Variants in NAA16 observed in about 807,000 individuals in gnomAD.
NAA16 encodes NARG1-like protein.
Under a neutral mutation model 110.3 loss-of-function variants are expected in NAA16, and 97 were observed. The observed-to-expected ratio is 0.88, with a 90% confidence interval of 0.75 to 1.04. The LOEUF (loss-of-function observed/expected upper bound fraction) is 1.04. NAA16 is among the 50% of genes least tolerant of loss of function. The pLI, the probability that NAA16 is intolerant of heterozygous loss-of-function variation, is 0.00. For synonymous variants in NAA16, 372 were observed against 330.6 expected, an observed-to-expected ratio of 1.13 and a Z score of -1.36; for missense variants, 1,017 against 1,005.1, an observed-to-expected ratio of 1.01 and a Z score of -0.16.
rs1351325294 is a variant in NAA16, at chr13:41,375,703, G to A, written c.*101G>A. The A allele has an allele frequency of 2.2e-6, 2 of 904,420 alleles. No individual in the cohort carries two copies. Among genetic ancestry groups the A allele is most frequent in the East Asian group, 2.6e-5 (1 of 38,680 alleles). 56.0% of individuals were successfully genotyped at this position (904,420 alleles called of 1,614,324 possible). A position where few individuals can be genotyped will look rare whatever the true frequency, so the allele number is the denominator to read the frequency against. ...ATATACGTATGAAATGAAATATTTG[G>A]TTAGGATTTTTAAATGGCATATTCT... On this transcript the variant is annotated 3_prime_UTR_variant, in exon 20 of 20. Transcript: ENST00000379406.
At chr13:41,366,556 C>T (rs566965277) in intron 13 of NAA16, among the ~76,000 whole-genome samples, 1 of 152,050 alleles carries the variant, frequency 6.6e-6, no homozygotes, top group African/African-American at 2.4e-5. Context: ...GGTTAGTGTT[C>T]ACCTTTCATG....
chr13:41,323,075 T>C lies in NAA16; in HGVS notation c.422T>C (p.Leu141Pro). The change falls in exon 5 of 20, where the codon CTT (leucine) becomes CCT (proline). Residue 141 changes from leucine (L) to proline (P), a missense_variant. Physicochemically the swap from Leu to Pro is moderately conservative, Grantham distance 98. Coordinates refer to ENST00000379406, the MANE Select transcript of NAA16 (RefSeq NM_024561.5). ...TTTTAGGAGACAAGATACCAGCTTC[T>C]TCAGTTGCGCCCCACACAGCGTGCC... ...EGYRETRYQLLQLRPTQRASW... is the reference protein window; with the variant it reads ...EGYRETRYQLPQLRPTQRASW... 1 of 1,613,862 alleles carries C rather than the reference T, an allele frequency of 6.2e-7. No individual in the cohort carries two copies. The highest frequency in any genetic ancestry group is 8.5e-7 in the Non-Finnish European group (1 of 1,179,932).
intron 9 of NAA16, chr13:41,354,684 A>G (rs1176715850): frequency 6.6e-6 from 1 of 152,574 alleles, no homozygotes; most frequent in Non-Finnish European, 1.5e-5. Context: ...TAGTAGGTAG[A>G]TAAGTAAATT....
chr13:41,369,430 G>GA (rs1312995706), intron 15 of NAA16, 147 bp downstream of exon 15: 1 of 864,434 alleles, frequency 1.2e-6, no homozygotes, highest in African/African-American at 1.8e-5. Flanking sequence ...ATCTTTGAGT[G>GA]ACAGTATACA....
At chr13:41,344,751 T>C (rs1454085717) in intron 9 of NAA16, among the ~76,000 whole-genome samples, 4 of 152,242 alleles carry the variant, frequency 2.6e-5, no homozygotes, top group African/African-American at 4.8e-5. Context: ...TGAGATATAA[T>C]TAATATATCA....
At chr13:41,333,910 T>C (rs1593447146) in intron 8 of NAA16, among the ~76,000 whole-genome samples, 1 of 152,072 alleles carries the variant, frequency 6.6e-6, no homozygotes, top group Admixed American at 6.6e-5. Context: ...TAGGACATGC[T>C]GTCTTTGAAA....
chr13:41,327,134 G>A lies in NAA16; in HGVS notation c.691+1283G>A, dbSNP rs563781942. ...TTTTTTCCCATACCTTTTCATGAGC[G>A]TCTTACTTTTAACTACTATACTCTT... On this transcript the variant is annotated intron_variant, in intron 6 of 19. Coordinates refer to ENST00000379406, the MANE Select transcript of NAA16 (RefSeq NM_024561.5). Among the ~76,000 whole-genome samples, 8 of 151,914 alleles carry A rather than the reference G, an allele frequency of 5.3e-5. No homozygotes were observed. In the East Asian group the frequency reaches 7.7e-4, roughly 15 times the overall value.
chr13:41,363,901 G>A (rs1029502318), intron 13 of NAA16, among the ~76,000 whole-genome samples: 3 of 152,036 alleles, frequency 2.0e-5, no homozygotes, highest in African/African-American at 7.2e-5. Context: ...TATACTAAAA[G>A]CAAATAAGAC....
chr13:41,330,218 C>G (rs755622329), intron 7 of NAA16, among the ~76,000 whole-genome samples: 4 of 151,710 alleles, frequency 2.6e-5, no homozygotes, highest in African/African-American at 4.8e-5. Context: ...TTACCCCCCA[C>G]ACATATCCTT....
chr13:41,371,461 AC>A (rs1467328651), intron 15 of NAA16, among the ~76,000 whole-genome samples: 1 of 151,942 alleles, frequency 6.6e-6, no homozygotes, highest in Non-Finnish European at 1.5e-5. Context: ...CACCTCCTTC[AC>A]CCCTGCCATC....
intron 1 of NAA16, 64 bp downstream of exon 1, chr13:41,311,646 C>T (rs751816709): frequency 1.7e-5 from 26 of 1,492,592 alleles, no homozygotes; most frequent in Non-Finnish European, 2.3e-5. Context: ...TAAGGGCAAG[C>T]GGTCTGGCGG....
chr13:41,339,788 G>A (rs1162316775), intron 9 of NAA16, among the ~76,000 whole-genome samples: 1 of 151,908 alleles, frequency 6.6e-6, no homozygotes, highest in Non-Finnish European at 1.5e-5. Context: ...TCAAACTCTG[G>A]CCTTAAGTGA....
rs2041992190 is a variant in NAA16, at chr13:41,323,187, G to A, written c.534G>A (p.Gln178=). 1 of 1,613,278 alleles carries A rather than the reference G, an allele frequency of 6.2e-7. No individual in the cohort carries two copies. The highest frequency in any genetic ancestry group is 8.5e-7 in the Non-Finnish European group (1 of 1,179,708). The change falls in exon 5 of 20, where the codon CAG becomes CAA. Residue 178 remains glutamine (Q), a synonymous_variant. Transcript: ENST00000379406. The part of the protein sequence containing the change: ...LKLLEEFRQT[Q]QVPPNKIDYE... Reference sequence around the variant, plus strand: ...TGTTGGAAGAATTTAGACAAACTCAGCAAGTAAGAATTTTAATGTTTCCTT... The same window carrying A: ...TGTTGGAAGAATTTAGACAAACTCAACAAGTAAGAATTTTAATGTTTCCTT...
Position 41,355,128 on chromosome 13 carries a change from T to C in NAA16, c.1015-16T>C. 6.8e-7 allele frequency: 1 copy of C among 1,476,756 alleles called. No individual in the cohort carries two copies. Among genetic ancestry groups the C allele is most frequent in the African/African-American group, 1.4e-5 (1 of 69,824 alleles). 91.5% of individuals were successfully genotyped at this position (1,476,756 alleles called of 1,614,324 possible). On this transcript the variant is annotated splice_polypyrimidine_tract_variant and intron_variant, in intron 9 of 19. Transcript: ENST00000379406. The stretch of plus-strand genomic sequence containing the variant: ...AGAAGATATTTTTAAATTTTAAAAA[T>C]ATGTTTCTTTAACAGGTTTCTATAA...
chr13:41,351,831 T>G (rs1024740197), intron 9 of NAA16, among the ~76,000 whole-genome samples: 2 of 152,192 alleles, frequency 1.3e-5, no homozygotes, highest in African/African-American at 2.4e-5. Context: ...TCTCAGATAC[T>G]TAAGTGGATT....
chr13:41,363,394 C>G (rs150697300), intron 13 of NAA16, among the ~76,000 whole-genome samples: 1 of 152,144 alleles, frequency 6.6e-6, no homozygotes, highest in African/African-American at 2.4e-5. Context: ...TAACTAGAAA[C>G]TTACCAAATT....
At position 41,374,813 on chromosome 13, in the gene NAA16, G is replaced by T. The variant is rs1360300197; in HGVS notation, c.2371G>T (p.Glu791Ter). 2 of 1,609,890 alleles carry T rather than the reference G, an allele frequency of 1.2e-6. No homozygotes were observed. Among genetic ancestry groups the T allele is most frequent in the Non-Finnish European group, 1.7e-6 (2 of 1,177,850 alleles). The change falls in exon 19 of 20, where the codon GAA (glutamate) becomes TAA (stop). Residue 791 changes from glutamate (E) to a stop codon, truncating the protein, a stop_gained. Coordinates refer to ENST00000379406, the MANE Select transcript of NAA16 (RefSeq NM_024561.5). LOFTEE classifies it low-confidence loss of function (END_TRUNC). ...AATTGCTATAGCCACTAGACTAGAT[G>T]AAACTATAAAAGATAAAGATGTAAA... ...KAIAIATRLD[E>*]TIKDKDVKTL...
chr13:41,375,716 A>T lies in NAA16; in HGVS notation c.*114A>T. ...ATGAAATATTTGGTTAGGATTTTTA[A>T]ATGGCATATTCTGTAAGCTTATTTT... On this transcript the variant is annotated 3_prime_UTR_variant, in exon 20 of 20. Transcript: ENST00000379406. 1.3e-6 allele frequency: 1 copy of T among 766,456 alleles called. No individual in the cohort carries two copies. The allele number at this position is 766,456 out of a possible 1,614,324, so 47.5% of individuals were successfully genotyped here. A position where few individuals can be genotyped will look rare whatever the true frequency, so the allele number is the denominator to read the frequency against.
intron 12 of NAA16, among the ~76,000 whole-genome samples, chr13:41,361,311 G>A (rs960686674): frequency 6.6e-6 from 1 of 152,174 alleles, no homozygotes; most frequent in African/African-American, 2.4e-5. Flanking sequence ...AGACACATGG[G>A]CACAAAGAAA....
Sources: allele counts gnomAD v4.1 joint callset (sites outside exome capture counted in the v4.1 genomes callset), GRCh38; gene constraint gnomAD v4.1.1; transcripts MANE v1.5; gene names NCBI Gene and HGNC (gene_info 2026-07-23, HGNC 2026-07-21).